Variants in GPHN observed in about 807,000 individuals in gnomAD.
The protein encoded by GPHN is gephyrin.
A neutral mutation model predicts 95.5 loss-of-function variants in GPHN; 17 were observed. The ratio of observed to expected loss-of-function variants is 0.18; its 90% CI spans 0.12 to 0.27. GPHN has a LOEUF of 0.27. Among genes scored for constraint, GPHN ranks in the 10% least tolerant of loss-of-function variants. The pLI is 1.00. For missense variants in GPHN, 660 were observed against 978.1 expected (o/e 0.67, Z 4.34); for synonymous variants, 320 against 322.5 (o/e 0.99, Z 0.08).
chr14:66,740,594 C>G (rs1292409363), intron 2 of GPHN, among the ~76,000 whole-genome samples: 1 of 149,362 alleles, frequency 6.7e-6, no homozygotes, highest in Non-Finnish European at 1.5e-5. Flanking sequence ...AAAAGTGGTA[C>G]TTAGTGATGT....
At chr14:66,586,245 G>T (rs1006265750) in intron 1 of GPHN, among the ~76,000 whole-genome samples, 1 of 152,068 alleles carries the variant, frequency 6.6e-6, no homozygotes, top group Non-Finnish European at 1.5e-5. Flanking sequence ...TGGTTTGGTA[G>T]ATCTTCCTCC....
At chr14:66,951,228 A>G (rs1567141144) in intron 8 of GPHN, among the ~76,000 whole-genome samples, 1 of 152,100 alleles carries the variant, frequency 6.6e-6, no homozygotes, top group Non-Finnish European at 1.5e-5. Flanking sequence ...TAATTAAGAA[A>G]GGGATAAAGG....
At chr14:67,420,845 AAT>A in the GPHN span, among the ~76,000 whole-genome samples, 6 of 152,362 alleles carry the variant, frequency 3.9e-5, no homozygotes, top group East Asian at 9.6e-4. Flanking sequence ...TGCAATTGAG[AAT>A]ATGTTTCCAA....
chr14:67,179,713 T>C (rs1465913247), intron 22 of GPHN, 39 bp downstream of exon 22: 1 of 1,006,754 alleles, frequency 9.9e-7, no homozygotes, highest in Non-Finnish European at 1.6e-6. Context: ...TAGACACCTA[T>C]CCTGTTAAAA....
chr14:66,725,695 G>A (rs2153430676), intron 2 of GPHN, among the ~76,000 whole-genome samples: 1 of 152,304 alleles, frequency 6.6e-6, no homozygotes, highest in South Asian at 2.1e-4. Context: ...TGTTGGTCAA[G>A]CTGGTGACAG....
intron 10 of GPHN, among the ~76,000 whole-genome samples, chr14:67,049,366 T>C (rs980288750): frequency 3.3e-5 from 5 of 151,988 alleles, no homozygotes; most frequent in Non-Finnish European, 7.4e-5. Flanking sequence ...TAGCTGGGAC[T>C]ACAGGCGCCC....
intron 11 of GPHN, among the ~76,000 whole-genome samples, chr14:67,067,913 G>A (rs112566191): frequency 0.027 from 4,145 of 152,326 alleles, 66 homozygotes; most frequent in Middle Eastern, 0.034. Flanking sequence ...CACTTCCTGG[G>A]TGAGGTGACG....
At chr14:66,792,839 A>G (rs1407017687) in intron 3 of GPHN, among the ~76,000 whole-genome samples, 2 of 152,272 alleles carry the variant, frequency 1.3e-5, no homozygotes, top group Non-Finnish European at 2.9e-5. Context: ...GTATTTATTA[A>G]CAGCAAGCCA....
chr14:66,871,402 GC>G (rs1459815799), intron 4 of GPHN, among the ~76,000 whole-genome samples: 1 of 152,068 alleles, frequency 6.6e-6, no homozygotes, highest in East Asian at 1.9e-4. Flanking sequence ...ACTTTTTCAA[GC>G]AAGTAATGAA....
the GPHN span, chr14:67,572,299 G>A: frequency 3.2e-6 from 5 of 1,569,822 alleles, no homozygotes; most frequent in African/African-American, 2.7e-5. Context: ...AACGGGCGGG[G>A]GCAGGGTGGA....
chr14:66,781,933 C>G (rs1462092584), intron 3 of GPHN, among the ~76,000 whole-genome samples: 1 of 152,068 alleles, frequency 6.6e-6, no homozygotes, highest in Non-Finnish European at 1.5e-5. Flanking sequence ...TTTCAACTTT[C>G]CTGACTGAAA....
chr14:66,867,198 T>C (rs982268084), intron 4 of GPHN, among the ~76,000 whole-genome samples: 1 of 152,148 alleles, frequency 6.6e-6, no homozygotes, highest in African/African-American at 2.4e-5. Flanking sequence ...ATAATATCTC[T>C]CAAGTAAAAG....
intron 4 of GPHN, among the ~76,000 whole-genome samples, chr14:66,861,868 A>G (rs112490520): frequency 5.2e-4 from 79 of 152,202 alleles, no homozygotes; most frequent in African/African-American, 1.6e-3. Context: ...TTATAGCTAT[A>G]AGTGCCTACA....
At chr14:67,423,862 G>T in the GPHN span, among the ~76,000 whole-genome samples, 1 of 152,198 alleles carries the variant, frequency 6.6e-6, no homozygotes, top group Non-Finnish European at 1.5e-5. Flanking sequence ...TTGGAGGAAC[G>T]AAAGACTTTT....
the GPHN span, chr14:67,575,502 TCTCCTGCTTCCCCCG>T: frequency 7.3e-7 from 1 of 1,377,174 alleles, no homozygotes; most frequent in Non-Finnish European, 1.0e-6. Flanking sequence ...CAATACCCAC[TCTCCTGCTTCCCCCG>T]AAGCACATGA....
At chr14:66,925,637 C>T (rs2066445682) in intron 8 of GPHN, among the ~76,000 whole-genome samples, 1 of 152,148 alleles carries the variant, frequency 6.6e-6, no homozygotes, top group Non-Finnish European at 1.5e-5. Context: ...ATCAGTACTC[C>T]ATTGTATATA....
the GPHN span, among the ~76,000 whole-genome samples, chr14:67,716,623 C>T: frequency 6.6e-6 from 1 of 152,272 alleles, no homozygotes; most frequent in Admixed American, 6.5e-5. Flanking sequence ...GTGGCTCACA[C>T]TTGTAATCTC....
Position 67,159,500 on chromosome 14 carries a change from A to G in GPHN, c.1910+12A>G. On this transcript the variant is annotated intron_variant, in intron 19 of 22. Transcript: ENST00000478722. ...TTTATGAAACCAGGGTATGAAAATC[A>G]TCTTGTTATCTCATATATGGGGTTG... 2.0e-6 allele frequency: 3 copies of G among 1,504,336 alleles called. No individual in the cohort carries two copies. Among genetic ancestry groups the G allele is most frequent in the Non-Finnish European group, 2.8e-6 (3 of 1,079,954 alleles). The allele number at this position is 1,504,336 out of a possible 1,614,324, so 93.2% of individuals were successfully genotyped here.
At chr14:67,110,576 A>G (rs983454795) in intron 14 of GPHN, among the ~76,000 whole-genome samples, 4 of 152,218 alleles carry the variant, frequency 2.6e-5, no homozygotes, top group African/African-American at 9.7e-5. Context: ...ATGCAGAGAT[A>G]TTAATGGTTG....
Sources: allele counts gnomAD v4.1 joint callset (sites outside exome capture counted in the v4.1 genomes callset), GRCh38; gene constraint gnomAD v4.1.1; transcripts MANE v1.5; gene names NCBI Gene and HGNC (gene_info 2026-07-23, HGNC 2026-07-21).